RFC1: variants seen among roughly 807,000 people sequenced by gnomAD.
The protein encoded by RFC1 is A1 140 kDa subunit.
In RFC1, 37 loss-of-function variants were observed where a neutral mutation model predicts 137.4. The observed-to-expected ratio is 0.27, with a 90% CI of 0.21 to 0.35. The LOEUF is 0.35. RFC1 is among the 10% of genes least tolerant of loss of function. The probability of loss-of-function intolerance (pLI) is 1.00; values close to 1 mark genes in which losing one functional copy is unlikely to be tolerated. For synonymous variants in RFC1, 429 were observed against 455.7 expected, an observed-to-expected ratio of 0.94 and a Z score of 0.75; for missense variants, 1,205 against 1,358.5, an observed-to-expected ratio of 0.89 and a Z score of 1.78.
chr4:39,336,949 AATCT>A (rs1055088017), intron 4 of RFC1, among the ~76,000 whole-genome samples: 11 of 152,264 alleles, frequency 7.2e-5, no homozygotes, highest in Admixed American at 6.5e-5. Context: ...CACAAAGATA[AATCT>A]ATCAAATTTA....
rs1739033361 is a variant in RFC1 at position 39,312,903 on chromosome 4, A to G, written c.1232T>C (p.Ile411Thr). 1 of 1,612,970 alleles carries G rather than the reference A, an allele frequency of 6.2e-7. No individual in the cohort carries two copies. Among genetic ancestry groups the G allele is most frequent in the Non-Finnish European group, 8.5e-7 (1 of 1,179,322 alleles). ...CTCCAGCACGCCTGTGATTACAAAT[A>G]TAAGGCCTTCCAAGCAATTTTCAGC... Reference protein sequence around the residue: ...KGAENCLEGLIFVITGVLESI... With the variant: ...KGAENCLEGLTFVITGVLESI... Residue 411 changes from isoleucine (I) to threonine (T), a missense_variant, in exon 11 of 25, where the codon ATA (isoleucine) becomes ACA (threonine). Transcript: ENST00000349703.
intron 2 of RFC1, among the ~76,000 whole-genome samples, chr4:39,350,139 C>G (rs779211234): frequency 1.2e-4 from 18 of 151,544 alleles, no homozygotes; most frequent in Admixed American, 2.0e-4. Context: ...CACTAGATAG[C>G]CTTAACAGTA....
At chr4:39,327,207 A>G (rs996276943) in intron 5 of RFC1, among the ~76,000 whole-genome samples, 7 of 152,230 alleles carry the variant, frequency 4.6e-5, no homozygotes, top group Non-Finnish European at 1.0e-4. Flanking sequence ...AAACAAATTT[A>G]TCGCTAATAT....
Position 39,342,328 on chromosome 4 carries a change from C to T in RFC1, c.331+17G>A. The stretch of plus-strand genomic sequence containing the variant: ...CATAACACACACGGCATCTCATATA[C>T]CACAATGCAACCTTACCTGTTTCTG... On this transcript the variant is annotated intron_variant, in intron 4 of 24. Transcript: ENST00000349703. The T allele has an allele frequency of 6.2e-7, 1 of 1,608,354 alleles. No homozygotes were observed. Among genetic ancestry groups the T allele is most frequent in the Non-Finnish European group, 8.5e-7 (1 of 1,176,494 alleles).
Position 39,327,689 on chromosome 4 carries a change from A to T in RFC1, c.399T>A (p.Asn133Lys), listed in dbSNP as rs370664179. 6.2e-7 allele frequency: 1 copy of T among 1,613,292 alleles called. No individual in the cohort carries two copies. Among genetic ancestry groups the T allele is most frequent in the African/African-American group, 1.3e-5 (1 of 74,924 alleles). Reference protein sequence around the residue: ...SKSKENGRSTNSHLGTSNMKK... With the variant: ...SKSKENGRSTKSHLGTSNMKK... ...TCATGTTTGATGTTCCAAGATGACT[A>T]TTTGTAGATCTTCCATTCTCTTTTG... is the stretch of plus-strand genomic sequence containing the variant. Residue 133 changes from asparagine to lysine, a missense_variant, in exon 5 of 25, where the codon AAT becomes AAA. This residue lies in a region of RFC1 where 962 missense variants were observed against 1,035.3 expected (regional missense o/e 0.93). Transcript: ENST00000349703.
At chr4:39,299,950 C>A in intron 21 of RFC1, 71 bp downstream of exon 21, 1 of 866,214 alleles carries the variant, frequency 1.2e-6, no homozygotes, top group Non-Finnish European at 1.9e-6. Context: ...AAAATAAGTA[C>A]AGCAGCTAAA....
intron 7 of RFC1, 62 bp downstream of exon 7, chr4:39,323,277 CG>C (rs1456890824): frequency 3.2e-5 from 40 of 1,246,386 alleles, no homozygotes; most frequent in Non-Finnish European, 4.3e-5. Context: ...GCCTAGAACA[CG>C]CAAGTATGAA....
intron 1 of RFC1, among the ~76,000 whole-genome samples, chr4:39,355,447 C>A (rs1416433162): frequency 1.3e-5 from 2 of 151,926 alleles, no homozygotes; most frequent in Admixed American, 1.3e-4. Flanking sequence ...CACACACACA[C>A]ACAAAACTTG....
At chr4:39,297,275 A>G (rs1738068178) in intron 21 of RFC1, among the ~76,000 whole-genome samples, 1 of 80,048 alleles carries the variant, frequency 1.2e-5, no homozygotes, top group Non-Finnish European at 2.3e-5. Flanking sequence ...CCATTTGTCA[A>G]TTTTGGCTTT....
rs1190866199 is a variant in RFC1, at chr4:39,321,319, C to A, written c.776G>T (p.Ser259Ile). Residue 259 changes from serine to isoleucine, a missense_variant, in exon 8 of 25, where the codon AGT becomes ATT. Transcript: ENST00000349703. ...ETFSSVQANL[S>I]KAEKHKYPHK... ...AGGATATTTATGTTTTTCTGCTTTA[C>A]TTAAATTGGCTTGGACAGATGAAAA... 5 of 1,613,374 alleles carry A rather than the reference C, an allele frequency of 3.1e-6. No individual in the cohort carries two copies. The highest frequency in any genetic ancestry group is 4.2e-6 in the Non-Finnish European group (5 of 1,179,760).
rs1404956620 is a variant in RFC1, at chr4:39,320,446, G to C, written c.1032C>G (p.Ala344=). 1.3e-6 allele frequency: 2 copies of C among 1,574,196 alleles called. No individual in the cohort carries two copies. The highest frequency in any genetic ancestry group is 1.7e-6 in the Non-Finnish European group (2 of 1,167,250). ...TTTTTGTCTCTCCTTTCAATTTAATGGCATTTTCTTTTCTTTTTGAGGCCA... is the reference window on the plus strand; with the variant it reads ...TTTTTGTCTCTCCTTTCAATTTAATCGCATTTTCTTTTCTTTTTGAGGCCA... ...EPVASKRKEN[A]IKLKGETKTP... is the part of the protein sequence containing the mutation. Residue 344 remains alanine, a synonymous_variant, in exon 9 of 25, where the codon GCC becomes GCG. Coordinates refer to ENST00000349703, the MANE Select transcript of RFC1 (RefSeq NM_002913.5).
At chr4:39,294,642 C>T (rs751061567) in intron 22 of RFC1, among the ~76,000 whole-genome samples, 1 of 151,402 alleles carries the variant, frequency 6.6e-6, no homozygotes, top group African/African-American at 2.4e-5. Context: ...TGCACTCCAG[C>T]CTGGGCGACG....
chr4:39,321,149 C>T, intron 8 of RFC1, 138 bp downstream of exon 8: 1 of 656,226 alleles, frequency 1.5e-6, no homozygotes, highest in Non-Finnish European at 2.5e-6. Flanking sequence ...TTTCTAAGTT[C>T]AATATGCTCT....
Position 39,300,922 on chromosome 4 carries a change from C to T in RFC1, c.2536-508G>A, listed in dbSNP as rs17335340. ...CAGCCTGGCCAACATAGTAAAACCT[C>T]GTCTCTACTAAAAATAAAAAATTGG... On this transcript the variant is annotated intron_variant, in intron 19 of 24. Coordinates refer to ENST00000349703, the MANE Select transcript of RFC1 (RefSeq NM_002913.5). Among the ~76,000 whole-genome samples the T allele has an allele frequency of 2.6e-3, 398 of 151,756 alleles. 2 individuals are homozygous for T. Among genetic ancestry groups the T allele is most frequent in the African/African-American group, 9.2e-3 (380 of 41,360 alleles).
intron 22 of RFC1, chr4:39,292,083 C>T (rs1240204144): frequency 2.0e-6 from 1 of 499,418 alleles, no homozygotes; most frequent in Non-Finnish European, 3.6e-6. Context: ...TTACCTACAT[C>T]AGTGACTGAA....
intron 6 of RFC1, among the ~76,000 whole-genome samples, chr4:39,324,983 A>G (rs1261996142): frequency 6.6e-6 from 1 of 152,146 alleles, no homozygotes; most frequent in Non-Finnish European, 1.5e-5. Context: ...CTTCTGTAAG[A>G]TATCAACCTC....
chr4:39,337,122 C>G (rs1433442801), intron 4 of RFC1, among the ~76,000 whole-genome samples: 1 of 152,090 alleles, frequency 6.6e-6, no homozygotes, highest in Admixed American at 6.5e-5. Context: ...CGCCTATAAT[C>G]CCAGCACTTT....
intron 6 of RFC1, among the ~76,000 whole-genome samples, 164 bp downstream of exon 6, chr4:39,326,399 C>T (rs1205478631): frequency 6.6e-6 from 1 of 152,096 alleles, no homozygotes; most frequent in African/African-American, 2.4e-5. Context: ...AATAATTCTC[C>T]CCTGGTCTCA....
intron 21 of RFC1, chr4:39,295,969 T>A: frequency 2.4e-6 from 1 of 409,570 alleles, no homozygotes; most frequent in Non-Finnish European, 4.3e-6. Context: ...CACACCTTGA[T>A]CCAACATGTT....
Sources: allele counts gnomAD v4.1 joint callset (sites outside exome capture counted in the v4.1 genomes callset), GRCh38; gene constraint gnomAD v4.1.1; regional missense constraint gnomAD v4.1.1; transcripts MANE v1.5; gene names NCBI Gene and HGNC (gene_info 2026-07-23, HGNC 2026-07-21).